Variants in BLMH observed in about 807,000 individuals in gnomAD.
BLMH encodes the protein bleomycin hydrolase.
In BLMH, 32 loss-of-function variants were observed where a neutral mutation model predicts 61.6. The ratio of observed to expected loss-of-function variants is 0.52; its 90% CI spans 0.39 to 0.70. The LOEUF (loss-of-function observed/expected upper bound fraction) is 0.70. BLMH is among the 30% of genes least tolerant of loss of function. The pLI is 0.00. For synonymous variants in BLMH, 183 were observed against 193.8 expected (o/e 0.94, Z 0.46); for missense variants, 460 against 555.5 (o/e 0.83, Z 1.73).
chr17:30,272,291 G>A (rs1908297214), intron 9 of BLMH: 1 of 478,562 alleles, frequency 2.1e-6, no homozygotes, highest in Non-Finnish European at 3.7e-6. Context: ...TTTTTTTAAA[G>A]TGTCTTTCTC....
chr17:30,279,292 G>T (rs1181475518), intron 6 of BLMH, among the ~76,000 whole-genome samples: 1 of 152,166 alleles, frequency 6.6e-6, no homozygotes, highest in Non-Finnish European at 1.5e-5. Context: ...GCCCAAAATT[G>T]AGCTAAATTT....
rs555441080 is a variant in BLMH at position 30,286,010 on chromosome 17, G to C, written c.553-530C>G. On this transcript the variant is annotated intron_variant, in intron 5 of 11. Coordinates refer to ENST00000261714, the MANE Select transcript of BLMH (RefSeq NM_000386.4). ...ACAGTGCTAAAGAGGATGTTGCTCTGACTTCAAATGGAATCAAATGCCGTA... is the reference window on the plus strand; with the variant it reads ...ACAGTGCTAAAGAGGATGTTGCTCTCACTTCAAATGGAATCAAATGCCGTA... Among the ~76,000 whole-genome samples, 6 of 152,280 alleles carry C rather than the reference G, an allele frequency of 3.9e-5. No individual in the cohort carries two copies. The South Asian group carries it at 1.0e-3, about 26-fold the overall frequency.
chr17:30,290,513 A>C (rs949843917), intron 2 of BLMH, among the ~76,000 whole-genome samples: 2 of 152,234 alleles, frequency 1.3e-5, no homozygotes, highest in African/African-American at 2.4e-5. Context: ...CATACAATAA[A>C]ATGTACTCAC....
intron 11 of BLMH, among the ~76,000 whole-genome samples, chr17:30,263,422 T>C (rs901927794): frequency 3.9e-5 from 6 of 152,204 alleles, no homozygotes; most frequent in Admixed American, 1.3e-4. Flanking sequence ...CCTCACCTAA[T>C]TGTGAAATTC....
At chr17:30,261,783 G>A (rs1907966594) in intron 11 of BLMH, among the ~76,000 whole-genome samples, 1 of 152,198 alleles carries the variant, frequency 6.6e-6, no homozygotes, top group Non-Finnish European at 1.5e-5. Flanking sequence ...ACAATTAAAG[G>A]TCATAATGTT....
At chr17:30,249,846 C>T (rs1475794511) in intron 11 of BLMH, 2 of 152,356 alleles carry the variant, frequency 1.3e-5, no homozygotes, top group Non-Finnish European at 2.9e-5. Flanking sequence ...GCTTAACCTG[C>T]TCTCCTTAGG....
chr17:30,266,312 G>C (rs1168106252), intron 11 of BLMH, among the ~76,000 whole-genome samples: 1 of 151,934 alleles, frequency 6.6e-6, no homozygotes, highest in Admixed American at 6.6e-5. Context: ...CGGATCACGA[G>C]GTCAGGAAAT....
At position 30,252,014 on chromosome 17, in the gene BLMH, T is replaced by C. The variant is rs147830276; in HGVS notation, c.1217-2846A>G. 15 of 152,334 alleles carry C rather than the reference T, an allele frequency of 9.8e-5. 1 individual carries two copies. Among genetic ancestry groups the C allele is most frequent in the African/African-American group, 3.6e-4 (15 of 41,580 alleles). 9.4% of individuals were successfully genotyped at this position (152,334 alleles called of 1,614,324 possible). On this transcript the variant is annotated intron_variant, in intron 11 of 11. Coordinates refer to ENST00000261714, the MANE Select transcript of BLMH (RefSeq NM_000386.4). ...AGTGGCATTGTTTTACATTTTAATG[T>C]CTAGATTTGCAGAAGACAGCTGAAT...
chr17:30,273,028 A>G (rs933784481), intron 7 of BLMH, 129 bp from the exon 8 acceptor site: 44 of 1,003,392 alleles, frequency 4.4e-5, no homozygotes, highest in Non-Finnish European at 6.3e-5. Flanking sequence ...CTACAGCCAC[A>G]TTGTTAAGTA....
chr17:30,258,453 C>G (rs1160898999), intron 11 of BLMH, among the ~76,000 whole-genome samples: 1 of 152,110 alleles, frequency 6.6e-6, no homozygotes, highest in Non-Finnish European at 1.5e-5. Flanking sequence ...TAGAAGGTAC[C>G]GTTTCCCTAG....
At chr17:30,285,970 G>C (rs1908716937) in intron 5 of BLMH, among the ~76,000 whole-genome samples, 1 of 152,058 alleles carries the variant, frequency 6.6e-6, no homozygotes. Context: ...ATAAAGGTGA[G>C]TCTGAAATTT....
At chr17:30,280,441 AT>A (rs568307575) in intron 6 of BLMH, among the ~76,000 whole-genome samples, 72 of 152,292 alleles carry the variant, frequency 4.7e-4, no homozygotes, top group African/African-American at 1.7e-3. Flanking sequence ...CTTCTACTGT[AT>A]AAAAATGCAA....
At chr17:30,252,669 T>G (rs1384510658) in intron 11 of BLMH, among the ~76,000 whole-genome samples, 1 of 151,436 alleles carries the variant, frequency 6.6e-6, no homozygotes, top group African/African-American at 2.4e-5. Flanking sequence ...ATGGTAGGGG[T>G]TGGGAGTGCT....
intron 6 of BLMH, among the ~76,000 whole-genome samples, chr17:30,283,762 C>T (rs1359977755): frequency 3.3e-5 from 5 of 151,980 alleles, no homozygotes; most frequent in Non-Finnish European, 7.4e-5. Context: ...CCTTATGATC[C>T]GCCCACCTTG....
intron 11 of BLMH, among the ~76,000 whole-genome samples, chr17:30,252,598 G>A (rs1334142766): frequency 1.3e-5 from 2 of 150,428 alleles, no homozygotes; most frequent in African/African-American, 4.9e-5. Flanking sequence ...GTTTCAGTGA[G>A]CCAAGATCAC....
At chr17:30,273,866 C>T (rs1908346572) in intron 7 of BLMH, 176 bp downstream of exon 7, 2 of 735,340 alleles carry the variant, frequency 2.7e-6, no homozygotes, top group African/African-American at 1.8e-5. Flanking sequence ...GCTGATAAAT[C>T]CTGGCACCAC....
At position 30,291,392 on chromosome 17, in the gene BLMH, C is replaced by G; in HGVS notation, c.130G>C (p.Ala44Pro). Residue 44 changes from alanine (A) to proline (P), a missense_variant, in exon 2 of 12, where the codon GCC becomes CCC. Physicochemically the swap from Ala to Pro is conservative, Grantham distance 27. This residue lies in a region of BLMH where 86 missense variants were observed against 84.5 expected (regional missense o/e 1.02). Transcript: ENST00000261714. ...ACATGCTGCGCGCGCTGCACCGTGG[C>G]CCGCTTCAGACAGATGTCCAGCAGG... ...HDLLDICLKR[A>P]TVQRAQHVFQ... The G allele has an allele frequency of 6.2e-7, 1 of 1,614,080 alleles. No individual in the cohort carries two copies. Among genetic ancestry groups the G allele is most frequent in the African/African-American group, 1.3e-5 (1 of 75,052 alleles).
At chr17:30,251,862 A>G (rs565666817) in intron 11 of BLMH, among the ~76,000 whole-genome samples, 3 of 152,384 alleles carry the variant, frequency 2.0e-5, no homozygotes, top group South Asian at 4.1e-4. Context: ...ATTATTTACT[A>G]TATCAGAAAC....
intron 2 of BLMH, 60 bp downstream of exon 2, chr17:30,291,251 A>G: frequency 1.9e-6 from 3 of 1,571,768 alleles, no homozygotes; most frequent in Non-Finnish European, 2.6e-6. Context: ...TAAATAAGAC[A>G]CCAAAATGGG....
Sources: gnomAD v4.1 joint callset for allele counts (sites outside exome capture counted in the v4.1 genomes callset) on GRCh38, gnomAD v4.1.1 for gene constraint, gnomAD v4.1.1 regional missense constraint, MANE v1.5 for transcripts, NCBI Gene and HGNC (gene_info 2026-07-23, HGNC 2026-07-21) for gene names.